WDR1: variants seen among roughly 807,000 people sequenced by gnomAD.
WDR1 encodes the protein WD repeat-containing protein 1.
Under a neutral mutation model 71.9 loss-of-function variants are expected in WDR1, and 21 were observed. The observed-to-expected ratio is 0.29, with a 90% confidence interval of 0.21 to 0.42. WDR1 has a LOEUF of 0.42. Among genes scored for constraint, WDR1 ranks in the 10% least tolerant of loss-of-function variants. The pLI is 1.00. For synonymous variants in WDR1, 424 were observed against 347.4 expected (o/e 1.22, Z -2.45); for missense variants, 696 against 824.5 (o/e 0.84, Z 1.91).
chr4:10,111,956 G>C (rs866280837), intron 2 of WDR1, among the ~76,000 whole-genome samples: 1 of 152,188 alleles, frequency 6.6e-6, no homozygotes, highest in African/African-American at 2.4e-5. Flanking sequence ...CTGGAATCTA[G>C]GAACTGGATA....
chr4:10,078,869 G>A lies in WDR1; in HGVS notation c.1395+22C>T, dbSNP rs746221670. 1.5e-5 allele frequency: 24 copies of A among 1,597,256 alleles called. No homozygotes were observed. In the Admixed American group the frequency reaches 1.7e-4, roughly 11 times the overall value. On this transcript the variant is annotated intron_variant, in intron 12 of 14. Coordinates refer to ENST00000499869, the MANE Select transcript of WDR1 (RefSeq NM_017491.5). ...CCCAGATACCAAGGACAGAGAGCAC[G>A]GGGGAGAGGAAAGCGACTTACCACA...
At chr4:10,100,038 A>G (rs1712596803) in intron 3 of WDR1, among the ~76,000 whole-genome samples, 1 of 152,192 alleles carries the variant, frequency 6.6e-6, no homozygotes, top group Admixed American at 6.5e-5. Flanking sequence ...AAGAAATGGG[A>G]GCATTCTAGA....
intron 3 of WDR1, among the ~76,000 whole-genome samples, chr4:10,099,768 T>A (rs1356797399): frequency 6.6e-6 from 1 of 152,248 alleles, no homozygotes; most frequent in African/African-American, 2.4e-5. Flanking sequence ...GCAGCCTCAC[T>A]CACACACCGA....
At chr4:10,084,335 G>A (rs1560531009) in intron 9 of WDR1, 108 bp downstream of exon 9, 2 of 964,202 alleles carry the variant, frequency 2.1e-6, no homozygotes, top group Non-Finnish European at 3.2e-6. Context: ...GTGTGGCTGT[G>A]GCTGCAGCTG....
intron 9 of WDR1, 138 bp downstream of exon 9, chr4:10,084,305 G>A (rs1385552227): frequency 2.7e-6 from 2 of 735,316 alleles, no homozygotes; most frequent in African/African-American, 1.8e-5. Context: ...ACCCCTAGAA[G>A]CCACACGGGT....
In WDR1 at chr4:10,075,199, G is replaced by C. The variant is rs975602146; in HGVS notation, c.*179C>G. ...CATGTGCAAACTGTTACTGTCTAAA[G>C]CTTTCAGAAGAACGTGTACAGACAC... On this transcript the variant is annotated 3_prime_UTR_variant, in exon 15 of 15. Coordinates refer to ENST00000499869, the MANE Select transcript of WDR1 (RefSeq NM_017491.5). 1.5e-5 allele frequency: 9 copies of C among 594,582 alleles called. No homozygotes were observed. The highest frequency in any genetic ancestry group is 3.7e-5 in the African/African-American group (2 of 53,944). 36.8% of individuals were successfully genotyped at this position (594,582 alleles called of 1,614,324 possible). A position where few individuals can be genotyped will look rare whatever the true frequency, so the allele number is the denominator to read the frequency against.
rs995324529 is a variant in WDR1 at position 10,110,754 on chromosome 4, C to G, written c.138+5359G>C. On this transcript the variant is annotated intron_variant, in intron 2 of 14. Coordinates refer to ENST00000499869, the MANE Select transcript of WDR1 (RefSeq NM_017491.5). Reference sequence around the variant, plus strand: ...TTACCAGAGTTTTCAACCTTGGTACCCCTGGCATTTGGGGCTGGACAGTTC... The same window carrying G: ...TTACCAGAGTTTTCAACCTTGGTACGCCTGGCATTTGGGGCTGGACAGTTC... 2.6e-5 allele frequency among the ~76,000 whole-genome samples: 4 copies of G among 152,194 alleles called. No individual in the cohort carries two copies. In the East Asian group the frequency reaches 7.7e-4, roughly 29 times the overall value.
At chr4:10,096,465 T>G (rs1712355963) in intron 5 of WDR1, 2 of 152,234 alleles carry the variant, frequency 1.3e-5, no homozygotes, top group Non-Finnish European at 2.9e-5. Flanking sequence ...AGCTGCCGCG[T>G]GTTCAGCTGC....
chr4:10,099,488 G>T (rs1712559247), intron 3 of WDR1, among the ~76,000 whole-genome samples: 1 of 152,260 alleles, frequency 6.6e-6, no homozygotes, highest in Non-Finnish European at 1.5e-5. Flanking sequence ...CCAGGAAGTG[G>T]TTTAGTTTTC....
chr4:10,095,190 C>T (rs556604933), intron 5 of WDR1, among the ~76,000 whole-genome samples: 1 of 152,198 alleles, frequency 6.6e-6, no homozygotes, highest in Non-Finnish European at 1.5e-5. Flanking sequence ...AGCGCTGGTG[C>T]GGAGGCAAAG....
chr4:10,108,410 A>C (rs1303356440), intron 2 of WDR1: 1 of 152,202 alleles, frequency 6.6e-6, no homozygotes, highest in African/African-American at 2.4e-5. Context: ...CCAAGCAAAA[A>C]ACATTTCAGC....
intron 5 of WDR1, among the ~76,000 whole-genome samples, chr4:10,091,212 A>C (rs1711956072): frequency 6.6e-6 from 1 of 152,268 alleles, no homozygotes; most frequent in Non-Finnish European, 1.5e-5. Flanking sequence ...CTTGTGTTTA[A>C]GCGCAGTTCT....
At chr4:10,080,407 G>A (rs940220520) in intron 11 of WDR1, among the ~76,000 whole-genome samples, 4 of 152,216 alleles carry the variant, frequency 2.6e-5, no homozygotes, top group African/African-American at 7.2e-5. Context: ...CCCAGGCCCC[G>A]AGGCGCTCCA....
Position 10,105,240 on chromosome 4 carries a change from A to G in WDR1, c.139-1254T>C, listed in dbSNP as rs75783763. Among the ~76,000 whole-genome samples, 635 of 152,298 alleles carry G rather than the reference A, an allele frequency of 4.2e-3. 7 individuals carry two copies. Among genetic ancestry groups the G allele is most frequent in the African/African-American group, 0.014 (599 of 41,558 alleles). On this transcript the variant is annotated intron_variant, in intron 2 of 14. Transcript: ENST00000499869. ...ACCGGGATGGCACAACACACATCAT[A>G]GTCCCTAGCATTCCTGTCCATCTCC... is the stretch of plus-strand genomic sequence containing the variant.
chr4:10,078,893 C>T lies in WDR1; in HGVS notation c.1393G>A (p.Val465Met). The change falls in exon 12 of 15, where the codon GTG (valine) becomes ATG (methionine). Residue 465 changes from valine to methionine, a missense_variant and splice_region_variant. Coordinates refer to ENST00000499869, the MANE Select transcript of WDR1 (RefSeq NM_017491.5). ...CGGGGGAGAGGAAAGCGACTTACCA[C>T]ACCCCCAATTGCCACCGTGTCCCCG... The part of the protein sequence containing the change: ...PGGDTVAIGG[V>M]DGNVRLYSIL... 1 of 1,612,212 alleles carries T rather than the reference C, an allele frequency of 6.2e-7. No individual in the cohort carries two copies. The highest frequency in any genetic ancestry group is 8.5e-7 in the Non-Finnish European group (1 of 1,178,990).
intron 5 of WDR1, among the ~76,000 whole-genome samples, chr4:10,091,172 C>A (rs1042926767): frequency 8.4e-4 from 128 of 152,390 alleles, no homozygotes; most frequent in Non-Finnish European, 1.6e-3. Context: ...GGACGGTCGT[C>A]TCTGGCTATG....
intron 2 of WDR1, among the ~76,000 whole-genome samples, chr4:10,110,632 C>A (rs1435079005): frequency 6.6e-6 from 1 of 152,234 alleles, no homozygotes; most frequent in Non-Finnish European, 1.5e-5. Context: ...CAGCAGCTGT[C>A]CCCGCTCTGT....
At chr4:10,108,420 C>G (rs773638192) in intron 2 of WDR1, 2 of 152,192 alleles carry the variant, frequency 1.3e-5, no homozygotes, top group Non-Finnish European at 2.9e-5. Context: ...AACATTTCAG[C>G]AGATGACGAC....
At chr4:10,077,963 AAC>A in intron 12 of WDR1, 37 bp from the exon 13 acceptor site, 3 of 1,566,104 alleles carry the variant, frequency 1.9e-6, no homozygotes, top group African/African-American at 1.4e-5. Flanking sequence ...GCCACCCCTG[AAC>A]ACACACACCA....
Sources: gnomAD v4.1 joint callset for allele counts (sites outside exome capture counted in the v4.1 genomes callset) on GRCh38, gnomAD v4.1.1 for gene constraint, MANE v1.5 for transcripts, NCBI Gene and HGNC (gene_info 2026-07-23, HGNC 2026-07-21) for gene names.